Variants in KCNT2 observed in about 807,000 individuals in gnomAD.
KCNT2 encodes potassium channel subfamily T member 2.
In KCNT2, 67 loss-of-function variants were observed where a neutral mutation model predicts 153.8. That is an observed-to-expected ratio of 0.44 (90% confidence interval 0.36 to 0.53). The LOEUF is 0.53. Among genes scored for constraint, KCNT2 ranks in the 20% least tolerant of loss-of-function variants. The pLI is 0.00. For synonymous variants in KCNT2, 500 were observed against 458.8 expected, an observed-to-expected ratio of 1.09 and a Z score of -1.15; for missense variants, 975 against 1,354.8, an observed-to-expected ratio of 0.72 and a Z score of 4.40.
At chr1:196,556,946 G>A (rs1422606033) in intron 1 of KCNT2, among the ~76,000 whole-genome samples, 2 of 151,204 alleles carry the variant, frequency 1.3e-5, no homozygotes, top group Non-Finnish European at 3.0e-5. Flanking sequence ...TTGAACTCAT[G>A]GAGAAAAAGA....
At chr1:196,510,616 A>G (rs1681536347) in intron 1 of KCNT2, among the ~76,000 whole-genome samples, 1 of 152,252 alleles carries the variant, frequency 6.6e-6, no homozygotes, top group Non-Finnish European at 1.5e-5. Flanking sequence ...TTAATTTAGT[A>G]GTTAAATATT....
intron 22 of KCNT2, among the ~76,000 whole-genome samples, chr1:196,302,333 AC>A (rs1225117726): frequency 6.6e-6 from 1 of 152,110 alleles, no homozygotes; most frequent in Non-Finnish European, 1.5e-5. Context: ...TTAAAAAAAA[AC>A]CTTGATTGGA....
At chr1:196,427,843 A>G (rs1229907595) in intron 10 of KCNT2, among the ~76,000 whole-genome samples, 1 of 152,122 alleles carries the variant, frequency 6.6e-6, no homozygotes, top group Non-Finnish European at 1.5e-5. Context: ...CTTTTAATTC[A>G]AAGAAAAATT....
At position 196,305,486 on chromosome 1, in the gene KCNT2, C is replaced by T. The variant is rs1367196754; in HGVS notation, c.2484-141G>A. 3.6e-5 allele frequency: 20 copies of T among 558,598 alleles called. No homozygotes were observed. In the Admixed American group the frequency reaches 5.5e-4, roughly 15 times the overall value. 34.6% of individuals were successfully genotyped at this position (558,598 alleles called of 1,614,324 possible). ...AACAGCAGGCAGTGCCACATAAAAT[C>T]TTCTATACAATGCAGGAAAAATGAA... On this transcript the variant is annotated intron_variant, in intron 21 of 27. Transcript: ENST00000294725.
chr1:196,282,536 G>A (rs1659213861), intron 23 of KCNT2, among the ~76,000 whole-genome samples, 180 bp from the exon 24 acceptor site: 1 of 152,078 alleles, frequency 6.6e-6, no homozygotes, highest in Non-Finnish European at 1.5e-5. Flanking sequence ...AGATAAACAT[G>A]TACAGTTAAG....
At chr1:196,505,093 A>T (rs1383008824) in intron 1 of KCNT2, among the ~76,000 whole-genome samples, 1 of 151,954 alleles carries the variant, frequency 6.6e-6, no homozygotes, top group East Asian at 1.9e-4. Context: ...GGTTAATTAG[A>T]TCCCATTTGT....
intron 22 of KCNT2, among the ~76,000 whole-genome samples, chr1:196,300,313 C>A (rs1441255381): frequency 6.6e-6 from 1 of 152,134 alleles, no homozygotes; most frequent in Admixed American, 6.6e-5. Flanking sequence ...GTGTTTTTAG[C>A]TCTTTTGATT....
chr1:196,476,689 G>T (rs1678561755), intron 5 of KCNT2, among the ~76,000 whole-genome samples: 1 of 151,958 alleles, frequency 6.6e-6, no homozygotes, highest in South Asian at 2.1e-4. Flanking sequence ...TAAACCTCAG[G>T]TTTCTATTCC....
intron 1 of KCNT2, among the ~76,000 whole-genome samples, chr1:196,508,749 A>G (rs1681361008): frequency 6.6e-6 from 1 of 152,206 alleles, no homozygotes; most frequent in African/African-American, 2.4e-5. Flanking sequence ...AACATTTTAT[A>G]TCCATTTAAT....
At chr1:196,344,241 C>T (rs553548476) in intron 14 of KCNT2, among the ~76,000 whole-genome samples, 2 of 152,254 alleles carry the variant, frequency 1.3e-5, no homozygotes, top group African/African-American at 4.8e-5. Flanking sequence ...ATGTAAGCTG[C>T]CAATATTACT....
intron 25 of KCNT2, among the ~76,000 whole-genome samples, chr1:196,259,061 C>T (rs1489203516): frequency 6.6e-6 from 1 of 152,118 alleles, no homozygotes; most frequent in Non-Finnish European, 1.5e-5. Context: ...CTTTTTAACT[C>T]ATGCATTTAT....
At chr1:196,300,277 T>G (rs896144114) in intron 22 of KCNT2, among the ~76,000 whole-genome samples, 1 of 152,226 alleles carries the variant, frequency 6.6e-6, no homozygotes, top group Non-Finnish European at 1.5e-5. Flanking sequence ...TTTTTCATAT[T>G]GTTGTTATGA....
chr1:196,336,665 C>T (rs560820702), intron 16 of KCNT2, among the ~76,000 whole-genome samples: 1 of 152,290 alleles, frequency 6.6e-6, no homozygotes, highest in East Asian at 1.9e-4. Context: ...GCATTGTCCA[C>T]CACCACTCCA....
chr1:196,287,164 T>C (rs999521994), intron 22 of KCNT2, among the ~76,000 whole-genome samples: 16 of 152,072 alleles, frequency 1.1e-4, no homozygotes, highest in Admixed American at 4.6e-4. Flanking sequence ...TTTGTCTATG[T>C]CTATGAAATC....
At chr1:196,322,373 C>T (rs1663408162) in intron 19 of KCNT2, among the ~76,000 whole-genome samples, 1 of 151,290 alleles carries the variant, frequency 6.6e-6, no homozygotes, top group South Asian at 2.1e-4. Context: ...AAAAATAGAT[C>T]CAGGGAAGAA....
chr1:196,391,191 C>T (rs749899895), intron 13 of KCNT2, among the ~76,000 whole-genome samples: 3 of 151,192 alleles, frequency 2.0e-5, no homozygotes, highest in Non-Finnish European at 3.0e-5. Flanking sequence ...TATAAAAGTG[C>T]ATTGACTTTT....
At chr1:196,308,732 G>A (rs1360163958) in intron 21 of KCNT2, among the ~76,000 whole-genome samples, 1 of 151,944 alleles carries the variant, frequency 6.6e-6, no homozygotes, top group African/African-American at 2.4e-5. Flanking sequence ...TCACACCACA[G>A]CATTAGGTTC....
chr1:196,589,821 A>C (rs1271420345), intron 1 of KCNT2, among the ~76,000 whole-genome samples: 3 of 51,566 alleles, frequency 5.8e-5, no homozygotes, highest in Non-Finnish European at 8.7e-5. Flanking sequence ...TTTTTAATTT[A>C]TGCATACAGA....
intron 8 of KCNT2, among the ~76,000 whole-genome samples, chr1:196,455,462 GT>G (rs1281947628): frequency 1.3e-5 from 2 of 151,808 alleles, no homozygotes; most frequent in African/African-American, 4.8e-5. Flanking sequence ...TGAGATGGTG[GT>G]TTTTTTCTAA....
Sources: gnomAD v4.1 joint callset for allele counts (sites outside exome capture counted in the v4.1 genomes callset) on GRCh38, gnomAD v4.1.1 for gene constraint, MANE v1.5 for transcripts, NCBI Gene and HGNC (gene_info 2026-07-23, HGNC 2026-07-21) for gene names.